SLC25A13: variants seen among roughly 807,000 people sequenced by gnomAD.
The protein encoded by SLC25A13 is electrogenic aspartate/glutamate antiporter SLC25A13, mitochondrial.
A neutral mutation model predicts 85.5 loss-of-function variants in SLC25A13; 70 were observed. The observed-to-expected ratio is 0.82, with a 90% CI of 0.68 to 1.00. The LOEUF is 1.00. SLC25A13 is among the 50% of genes least tolerant of loss of function. The pLI, the probability that SLC25A13 is intolerant of heterozygous loss-of-function variation, is 0.00. For synonymous variants in SLC25A13, 259 were observed against 288.7 expected (o/e 0.90, Z 1.04); for missense variants, 765 against 819.8 (o/e 0.93, Z 0.82).
In SLC25A13 at chr7:96,120,868, C is replaced by T. The variant is rs967007036; in HGVS notation, c.*323G>A. ...ACAGTAGCCTCTTTGGGACTACAAT[C>T]CTAGTTCAAGGAGGGGAGTACTAAT... On this transcript the variant is annotated 3_prime_UTR_variant, in exon 18 of 18. Coordinates refer to ENST00000265631, the MANE Select transcript of SLC25A13 (RefSeq NM_014251.3). 2 of 487,954 alleles carry T rather than the reference C, an allele frequency of 4.1e-6. No individual in the cohort carries two copies. Among genetic ancestry groups the T allele is most frequent in the African/African-American group, 3.9e-5 (2 of 51,532 alleles). The allele number at this position is 487,954 out of a possible 1,614,324, so 30.2% of individuals were successfully genotyped here. A position where few individuals can be genotyped will look rare whatever the true frequency, so the allele number is the denominator to read the frequency against.
chr7:96,285,517 G>A (rs1043327772), intron 2 of SLC25A13, among the ~76,000 whole-genome samples: 15 of 152,050 alleles, frequency 9.9e-5, no homozygotes, highest in Admixed American at 7.2e-4. Context: ...TCCCTCAAAC[G>A]TGTTCCTTGT....
intron 14 of SLC25A13, 44 bp downstream of exon 14, chr7:96,146,512 T>C (rs967166185): frequency 1.9e-6 from 3 of 1,595,602 alleles, no homozygotes; most frequent in African/African-American, 2.7e-5. Flanking sequence ...CATTAGGAGA[T>C]GAGAAAGTAA....
rs141152495 is a variant in SLC25A13 at position 96,189,673 on chromosome 7, C to T, written c.756G>A (p.Glu252=). ...ATTTCTGAGCTGCCAGAACAAACTC[C>T]TCTGTATGGAAGAAAAGTTAAAAGG... ...GTRKDVEVTK[E]EFVLAAQKFG... Residue 252 remains glutamate, a splice_region_variant and synonymous_variant, in exon 8 of 18, where the codon GAG becomes GAA. Coordinates refer to ENST00000265631, the MANE Select transcript of SLC25A13 (RefSeq NM_014251.3). The T allele has an allele frequency of 3.2e-5, 51 of 1,613,270 alleles. No individual in the cohort carries two copies. The African/African-American group carries it at 5.6e-4, about 18-fold the overall frequency.
At chr7:96,173,437 G>A (rs1049788512) in intron 11 of SLC25A13, among the ~76,000 whole-genome samples, 2 of 152,166 alleles carry the variant, frequency 1.3e-5, no homozygotes, top group East Asian at 1.9e-4. Context: ...CAAAAAATCT[G>A]TATCTTTATA....
rs150996519 is a variant in SLC25A13, at chr7:96,297,025, T to C, written c.16-74A>G. The C allele has an allele frequency of 1.9e-3, 2,462 of 1,328,350 alleles. 12 individuals are homozygous for C. In the Middle Eastern group the frequency reaches 0.043, roughly 23 times the overall value. 82.3% of individuals were successfully genotyped at this position (1,328,350 alleles called of 1,614,324 possible). A position where few individuals can be genotyped will look rare whatever the true frequency, so the allele number is the denominator to read the frequency against. On this transcript the variant is annotated intron_variant, in intron 1 of 17. Coordinates refer to ENST00000265631, the MANE Select transcript of SLC25A13 (RefSeq NM_014251.3). ...ATCAAGCTAGCCGACTAAAGGAAAATAAATCTCAGATTAAAAATTAGTGCA... is the reference window on the plus strand; with the variant it reads ...ATCAAGCTAGCCGACTAAAGGAAAACAAATCTCAGATTAAAAATTAGTGCA...
rs1376378314 is a variant in SLC25A13 at position 96,193,044 on chromosome 7, A to G, written c.608T>C (p.Leu203Pro). ...HVLTPFVEEC[L>P]VAAAGGTTSH... ...GGGCAAGTTACAACTTACAGCTACT[A>G]GACATTCTTCTACAAAAGGAGTCAA... The change falls in exon 6 of 18, where the codon CTA (leucine) becomes CCA (proline). Residue 203 changes from leucine to proline, a missense_variant. By Grantham distance (98) the Leu-to-Pro change is moderately conservative. Transcript: ENST00000265631. The G allele has an allele frequency of 6.2e-7, 1 of 1,613,974 alleles. No individual in the cohort carries two copies. The highest frequency in any genetic ancestry group is 8.5e-7 in the Non-Finnish European group (1 of 1,179,996).
In SLC25A13 at chr7:96,153,712, T is replaced by G. The variant is rs1479468042; in HGVS notation, c.1312-7016A>C. ...AGGAACATTTTATTGCCCACTCTAT[T>G]AGTATTGAATACTAGCACCAGTGTA... On this transcript the variant is annotated intron_variant, in intron 13 of 17. Transcript: ENST00000265631. 3.3e-5 allele frequency among the ~76,000 whole-genome samples: 5 copies of G among 152,250 alleles called. No individual in the cohort carries two copies. The East Asian group carries it at 9.6e-4, about 29-fold the overall frequency.
chr7:96,166,549 G>T (rs1793753215), intron 13 of SLC25A13, among the ~76,000 whole-genome samples: 1 of 151,878 alleles, frequency 6.6e-6, no homozygotes, highest in South Asian at 2.1e-4. Flanking sequence ...AGGATCAAAA[G>T]CTAAAGATCC....
At chr7:96,237,297 A>ATGGAGAGAGGAGGGAAGGG (rs1393033981) in intron 3 of SLC25A13, among the ~76,000 whole-genome samples, 1 of 152,164 alleles carries the variant, frequency 6.6e-6, no homozygotes, top group Non-Finnish European at 1.5e-5. Flanking sequence ...TTTGGTGACA[A>ATGGAGAGAGGAGGGAAGGG]TGGAGAGAGG....
chr7:96,140,238 G>A (rs1362018441), intron 14 of SLC25A13, among the ~76,000 whole-genome samples: 1 of 151,588 alleles, frequency 6.6e-6, no homozygotes, highest in Non-Finnish European at 1.5e-5. Context: ...GATTACAGGC[G>A]TGAGCCACCG....
At chr7:96,304,856 C>G (rs1417013958) in intron 1 of SLC25A13, among the ~76,000 whole-genome samples, 2 of 152,196 alleles carry the variant, frequency 1.3e-5, no homozygotes, top group African/African-American at 4.8e-5. Flanking sequence ...GGAAAGCTGA[C>G]TTATCGACAA....
At chr7:96,288,799 G>C (rs1798996206) in intron 2 of SLC25A13, among the ~76,000 whole-genome samples, 1 of 152,296 alleles carries the variant, frequency 6.6e-6, no homozygotes, top group East Asian at 1.9e-4. Flanking sequence ...GCCCACCACA[G>C]CTCCAGGAGT....
intron 3 of SLC25A13, among the ~76,000 whole-genome samples, chr7:96,275,407 A>C (rs1454019145): frequency 6.6e-6 from 1 of 152,210 alleles, no homozygotes; most frequent in African/African-American, 2.4e-5. Context: ...AGGATTATAA[A>C]TCATGCTGCT....
rs148930664 is a variant in SLC25A13 at position 96,186,724 on chromosome 7, G to T, written c.934-1713C>A. 5.6e-3 allele frequency among the ~76,000 whole-genome samples: 852 copies of T among 152,240 alleles called. 9 individuals are homozygous for T. The highest frequency in any genetic ancestry group is 0.019 in the African/African-American group (797 of 41,540). On this transcript the variant is annotated intron_variant, in intron 9 of 17. Transcript: ENST00000265631. Reference sequence around the variant, plus strand: ...TATAAAAGAAAACATAGGCTAAAAAGAGCATGGTAAGTAGATAGGTATTTG... The same window carrying T: ...TATAAAAGAAAACATAGGCTAAAAATAGCATGGTAAGTAGATAGGTATTTG...
intron 3 of SLC25A13, among the ~76,000 whole-genome samples, chr7:96,250,739 CA>C (rs57574466): frequency 0.017 from 1,977 of 118,298 alleles, 66 homozygotes; most frequent in African/African-American, 0.059. Flanking sequence ...AGACCTGTTA[CA>C]AAAAAAAAAA....
At chr7:96,231,617 G>A (rs1236117620) in intron 4 of SLC25A13, among the ~76,000 whole-genome samples, 1 of 151,848 alleles carries the variant, frequency 6.6e-6, no homozygotes, top group African/African-American at 2.4e-5. Context: ...CCAGGCACTC[G>A]AGAAACTCAG....
At chr7:96,209,347 AACACATAC>A (rs1415340597) in intron 4 of SLC25A13, among the ~76,000 whole-genome samples, 2 of 26,320 alleles carry the variant, frequency 7.6e-5, no homozygotes, top group Admixed American at 5.1e-4. Flanking sequence ...GTGGCAGGAA[AACACATAC>A]ACACACACAC....
chr7:96,237,732 A>T (rs563880704), intron 3 of SLC25A13, among the ~76,000 whole-genome samples: 24 of 152,292 alleles, frequency 1.6e-4, no homozygotes, highest in African/African-American at 5.8e-4. Flanking sequence ...GAAATTATAA[A>T]ATGTGGTTAG....
intron 5 of SLC25A13, among the ~76,000 whole-genome samples, chr7:96,205,844 TAC>T (rs1301232035): frequency 6.6e-6 from 1 of 152,014 alleles, no homozygotes. Flanking sequence ...GTCCAGACTC[TAC>T]ACAGATAAAC....
Sources: gnomAD v4.1 joint callset for allele counts (sites outside exome capture counted in the v4.1 genomes callset) on GRCh38, gnomAD v4.1.1 for gene constraint, MANE v1.5 for transcripts, NCBI Gene and HGNC (gene_info 2026-07-23, HGNC 2026-07-21) for gene names.